The following NR2F1-AS1 variants were observed in gnomAD, a reference collection of about 807,000 sequenced individuals.
NR2F1-AS1 encodes NR2F1 antisense RNA 1.
chr5:93,465,856 T>C (rs931829185), intron 4 of NR2F1-AS1, among the ~76,000 whole-genome samples: 10 of 142,864 alleles, frequency 7.0e-5, no homozygotes, highest in African/African-American at 1.9e-4. Flanking sequence ...TTCTCACTTA[T>C]AGGTGGGAAC....
intron 4 of NR2F1-AS1, among the ~76,000 whole-genome samples, chr5:93,553,559 T>C (rs1752281351): frequency 6.6e-6 from 1 of 152,226 alleles, no homozygotes; most frequent in African/African-American, 2.4e-5. Flanking sequence ...TATTCACAGA[T>C]AACAAATTAT....
In NR2F1-AS1 at chr5:93,427,792, G is replaced by A. The variant is rs1016211145; in HGVS notation, n.639-32250C>T. Among the ~76,000 whole-genome samples, 30 of 152,242 alleles carry A rather than the reference G, an allele frequency of 2.0e-4. 1 individual carries two copies. In the South Asian group the frequency reaches 2.1e-3, roughly 11 times the overall value. On this transcript the variant is annotated intron_variant and non_coding_transcript_variant, in intron 4 of 5. Transcript: ENST00000660523. ...AAACCATAAAGGACAAAATGTACAC[G>A]TATGTTTTTAAATTAAAATAGTTTC...
chr5:93,474,710 T>C (rs974743222), intron 4 of NR2F1-AS1, among the ~76,000 whole-genome samples: 2 of 152,174 alleles, frequency 1.3e-5, no homozygotes, highest in African/African-American at 4.8e-5. Context: ...TATGACCTAA[T>C]CTCCCTACCC....
intron 1 of NR2F1-AS1, among the ~76,000 whole-genome samples, chr5:93,564,758 GC>G (rs1752577202): frequency 1.3e-5 from 2 of 152,114 alleles, no homozygotes; most frequent in African/African-American, 4.8e-5. Flanking sequence ...TTGTGTTTAT[GC>G]CCATCCTATT....
Position 93,508,323 on chromosome 5 carries a change from G to C in NR2F1-AS1, n.638+45438C>G, listed in dbSNP as rs144692791. ...AGAACCACGTATATATGGCAATTTG[G>C]TACTGAATATTGTTGGTACGCTATA... On this transcript the variant is annotated intron_variant and non_coding_transcript_variant, in intron 4 of 5. Transcript: ENST00000660523. 2.4e-3 allele frequency among the ~76,000 whole-genome samples: 367 copies of C among 152,090 alleles called. 2 individuals carry two copies. The highest frequency in any genetic ancestry group is 8.3e-3 in the African/African-American group (346 of 41,510).
intron 4 of NR2F1-AS1, among the ~76,000 whole-genome samples, chr5:93,548,771 TGA>T (rs1204521581): frequency 1.3e-5 from 2 of 151,876 alleles, no homozygotes; most frequent in Non-Finnish European, 2.9e-5. Context: ...CTTGGGAGGC[TGA>T]GATAGGAGAA....
rs1466515877 is a variant in NR2F1-AS1, at chr5:93,556,205, A to T, written n.414-1210T>A. ...CCAGTTACACTTATCTCAAACACGCATTACCTGCTCCATACATTTTTACAT... is the reference window on the plus strand; with the variant it reads ...CCAGTTACACTTATCTCAAACACGCTTTACCTGCTCCATACATTTTTACAT... On this transcript the variant is annotated intron_variant and non_coding_transcript_variant, in intron 2 of 5. Coordinates refer to ENST00000660523, the Ensembl canonical transcript of NR2F1-AS1. 2.0e-5 allele frequency among the ~76,000 whole-genome samples: 3 copies of T among 152,284 alleles called. No homozygotes were observed. In the South Asian group the frequency reaches 6.2e-4, roughly 32 times the overall value.
chr5:93,457,179 C>T (rs889859331), intron 4 of NR2F1-AS1, among the ~76,000 whole-genome samples: 4 of 152,112 alleles, frequency 2.6e-5, no homozygotes, highest in East Asian at 3.9e-4. Flanking sequence ...GGCTGGGGAA[C>T]GGTCAGGTCT....
At chr5:93,481,345 A>C (rs1750595583) in intron 4 of NR2F1-AS1, among the ~76,000 whole-genome samples, 2 of 152,224 alleles carry the variant, frequency 1.3e-5, no homozygotes, top group Middle Eastern at 6.8e-3. Flanking sequence ...TATACACATC[A>C]AACTAGAGAG....
At position 93,413,063 on chromosome 5, in the gene NR2F1-AS1, GGTGTGTGTGTGTGT is replaced by G. The variant is rs71613591; in HGVS notation, n.639-17535_639-17522del. Among the ~76,000 whole-genome samples, 392 of 139,274 alleles carry G rather than the reference GGTGTGTGTGTGTGT, an allele frequency of 2.8e-3. 2 individuals carry two copies. The highest frequency in any genetic ancestry group is 8.9e-3 in the African/African-American group (336 of 37,576). 91.4% of individuals were successfully genotyped at this position (139,274 alleles called of 152,430 possible). A position where few individuals can be genotyped will look rare whatever the true frequency, so the allele number is the denominator to read the frequency against. Reference sequence around the variant, plus strand: ...CAGCCTAGACAAATTATAGCACTATGGTGTGTGTGTGTGTGTGTGTGTGTGTGTGTGTGTGTGTG... The same window carrying G: ...CAGCCTAGACAAATTATAGCACTATGGTGTGTGTGTGTGTGTGTGTGTGTG... On this transcript the variant is annotated intron_variant and non_coding_transcript_variant, in intron 4 of 5. Coordinates refer to ENST00000660523, the Ensembl canonical transcript of NR2F1-AS1.
At chr5:93,475,342 G>A (rs1325133602) in intron 4 of NR2F1-AS1, among the ~76,000 whole-genome samples, 1 of 152,102 alleles carries the variant, frequency 6.6e-6, no homozygotes, top group African/African-American at 2.4e-5. Context: ...AGAAATAGAT[G>A]AGAAGAGGAA....
intron 1 of NR2F1-AS1, among the ~76,000 whole-genome samples, chr5:93,571,763 C>A (rs932874456): frequency 6.9e-6 from 1 of 145,516 alleles, no homozygotes; most frequent in African/African-American, 2.5e-5. Context: ...TCAAGGTTAT[C>A]TTTTTCCAAA....
chr5:93,572,469 G>A (rs73133302), intron 1 of NR2F1-AS1, among the ~76,000 whole-genome samples: 58 of 152,300 alleles, frequency 3.8e-4, no homozygotes, highest in African/African-American at 1.3e-3. Flanking sequence ...CCTATCGGCC[G>A]GGTCACCTGT....
chr5:93,531,928 G>A (rs1468517158), intron 4 of NR2F1-AS1, among the ~76,000 whole-genome samples: 2 of 152,198 alleles, frequency 1.3e-5, no homozygotes, highest in South Asian at 4.1e-4. Flanking sequence ...CTCTAAGCAA[G>A]AATAACAGCA....
chr5:93,569,539 C>A (rs1752695506), intron 1 of NR2F1-AS1, among the ~76,000 whole-genome samples: 2 of 152,188 alleles, frequency 1.3e-5, no homozygotes, highest in Admixed American at 1.3e-4. Context: ...TAAAACTATG[C>A]TAATTGGTGA....
intron 4 of NR2F1-AS1, among the ~76,000 whole-genome samples, chr5:93,444,081 A>T (rs1749635953): frequency 6.6e-6 from 1 of 152,256 alleles, no homozygotes; most frequent in Non-Finnish European, 1.5e-5. Flanking sequence ...AACCGGTACC[A>T]GCCACTGCAA....
chr5:93,472,986 C>A (rs1159406425), intron 4 of NR2F1-AS1, among the ~76,000 whole-genome samples: 1 of 151,740 alleles, frequency 6.6e-6, no homozygotes, highest in Non-Finnish European at 1.5e-5. Context: ...CCTATTTTTA[C>A]CAATATATAA....
At chr5:93,578,486 G>A (rs1442810707) in intron 1 of NR2F1-AS1, among the ~76,000 whole-genome samples, 2 of 151,986 alleles carry the variant, frequency 1.3e-5, no homozygotes, top group Non-Finnish European at 2.9e-5. Context: ...GCTCCCGGGA[G>A]CCCAGGCCCC....
At chr5:93,583,544 G>A (rs922048311), upstream of NR2F1-AS1, 5 of 152,174 alleles carry the variant, frequency 3.3e-5, no homozygotes, top group African/African-American at 1.2e-4. Context: ...AAAGGAGGAG[G>A]AGGAGGAGGA....
Sources: gnomAD v4.1 joint callset for allele counts (sites outside exome capture counted in the v4.1 genomes callset) on GRCh38, gnomAD v4.1.1 for gene constraint, MANE v1.5 for transcripts, NCBI Gene and HGNC (gene_info 2026-07-23, HGNC 2026-07-21) for gene names.